Variants in ATP6V0E1 observed in about 807,000 individuals in gnomAD.
The protein encoded by ATP6V0E1 is V-type proton ATPase subunit e 1.
ATP6V0E1 carries 4 observed loss-of-function variants against 11.6 expected under a neutral mutation model. The observed-to-expected ratio is 0.35, with a 90% CI of 0.17 to 0.79. The LOEUF (loss-of-function observed/expected upper bound fraction) is 0.79, where lower values mean the gene tolerates loss of function less well. Ranked by LOEUF, ATP6V0E1 falls within the 30% of genes least tolerant of loss-of-function variation. The pLI is 0.54. For synonymous variants in ATP6V0E1, 36 were observed against 34.8 expected (o/e 1.04, Z -0.13); for missense variants, 105 against 100.0 (o/e 1.05, Z -0.21).
At chr5:173,010,218 C>T (rs929210178) in intron 2 of ATP6V0E1, among the ~76,000 whole-genome samples, 4 of 151,906 alleles carry the variant, frequency 2.6e-5, no homozygotes, top group South Asian at 2.1e-4. Context: ...AGTGGGTGGT[C>T]GCGGGAGAGG....
intron 2 of ATP6V0E1, among the ~76,000 whole-genome samples, chr5:173,019,282 G>A (rs1294960709): frequency 1.3e-5 from 2 of 152,112 alleles, no homozygotes; most frequent in Non-Finnish European, 2.9e-5. Context: ...TCGGCTGGGC[G>A]AGGTGGCTCA....
intron 3 of ATP6V0E1, among the ~76,000 whole-genome samples, chr5:173,030,378 C>G (rs1351977297): frequency 6.6e-6 from 1 of 151,896 alleles, no homozygotes; most frequent in Non-Finnish European, 1.5e-5. Flanking sequence ...ACTTACTTTT[C>G]CCCGAACAGA....
intron 2 of ATP6V0E1, among the ~76,000 whole-genome samples, chr5:173,008,737 A>G (rs1199206623): frequency 6.7e-5 from 10 of 149,008 alleles, no homozygotes; most frequent in South Asian, 2.1e-4. Flanking sequence ...GTGAAACCCC[A>G]TCTCTACTAA....
chr5:172,987,736 CAGAG>C (rs1056967562), intron 1 of ATP6V0E1, among the ~76,000 whole-genome samples: 14 of 150,262 alleles, frequency 9.3e-5, no homozygotes, highest in African/African-American at 2.5e-4. Context: ...TTTTAAGAGT[CAGAG>C]AGTCTCACTG....
At position 172,994,840 on chromosome 5, in the gene ATP6V0E1, A is replaced by G. The variant is rs1387310449; in HGVS notation, c.152+18A>G. The G allele has an allele frequency of 3.2e-6, 5 of 1,584,748 alleles. No homozygotes were observed. The highest frequency in any genetic ancestry group is 1.1e-5 in the South Asian group (1 of 88,546). On this transcript the variant is annotated intron_variant, in intron 2 of 3. Transcript: ENST00000519374. ...TATCTCTTGTAAGTAATTTTTTCTT[A>G]AGTAATTATTCTTGGTATTTGTAGT...
chr5:173,004,334 T>C (rs1325239952), intron 2 of ATP6V0E1, among the ~76,000 whole-genome samples: 1 of 152,136 alleles, frequency 6.6e-6, no homozygotes, highest in East Asian at 1.9e-4. Flanking sequence ...GCAAAGATGT[T>C]ACTAACCCCA....
At chr5:173,016,687 G>A (rs1221023641) in intron 2 of ATP6V0E1, among the ~76,000 whole-genome samples, 1 of 152,178 alleles carries the variant, frequency 6.6e-6, no homozygotes, top group Non-Finnish European at 1.5e-5. Flanking sequence ...GATTGGGGAA[G>A]TCCTTGGTTA....
intron 3 of ATP6V0E1, among the ~76,000 whole-genome samples, chr5:173,029,835 T>TTGA (rs1756622696): frequency 6.6e-6 from 1 of 152,152 alleles, no homozygotes; most frequent in Non-Finnish European, 1.5e-5. Context: ...GCAGGTCATG[T>TTGA]CCAGCTCTGA....
chr5:173,011,010 A>G (rs745520309), intron 2 of ATP6V0E1, among the ~76,000 whole-genome samples: 10 of 152,124 alleles, frequency 6.6e-5, no homozygotes, highest in Non-Finnish European at 7.4e-5. Context: ...GCATATCTCT[A>G]CAAAAACATA....
intron 2 of ATP6V0E1, among the ~76,000 whole-genome samples, chr5:173,011,675 C>T (rs910941635): frequency 1.3e-5 from 2 of 152,174 alleles, no homozygotes; most frequent in African/African-American, 4.8e-5. Context: ...CTGCAGTTCT[C>T]TGAAGACATT....
At chr5:172,984,296 G>GAA in intron 1 of ATP6V0E1, among the ~76,000 whole-genome samples, 1 of 152,304 alleles carries the variant, frequency 6.6e-6, no homozygotes, top group East Asian at 1.9e-4. Context: ...GTCCCTAGTC[G>GAA]ACTGTCCCCC....
At chr5:173,013,643 C>G (rs1036854567) in intron 2 of ATP6V0E1, among the ~76,000 whole-genome samples, 1 of 149,690 alleles carries the variant, frequency 6.7e-6, no homozygotes, top group Non-Finnish European at 1.5e-5. Flanking sequence ...ACCCAACTGA[C>G]AGGGGACTAA....
chr5:173,034,406 G>A lies in ATP6V0E1; in HGVS notation c.*44G>A, dbSNP rs1222663498. On this transcript the variant is annotated 3_prime_UTR_variant, in exon 4 of 4. Coordinates refer to ENST00000519374, the MANE Select transcript of ATP6V0E1 (RefSeq NM_003945.4). ...AATGGTTTTGTTTTGCAGGTCACGAGAAGAGAATGCCTTCTAGATGCAAAA... is the reference window on the plus strand; with the variant it reads ...AATGGTTTTGTTTTGCAGGTCACGAAAAGAGAATGCCTTCTAGATGCAAAA... 5 of 702,894 alleles carry A rather than the reference G, an allele frequency of 7.1e-6. No homozygotes were observed. The highest frequency in any genetic ancestry group is 4.0e-5 in the Admixed American group (2 of 49,986). The allele number at this position is 702,894 out of a possible 1,614,324, so 43.5% of individuals were successfully genotyped here.
intron 2 of ATP6V0E1, among the ~76,000 whole-genome samples, chr5:172,998,000 C>T (rs766553600): frequency 1.8e-4 from 27 of 151,668 alleles, no homozygotes; most frequent in Admixed American, 5.9e-4. Flanking sequence ...TCCCAGCTAC[C>T]GGGAAGGTGG....
chr5:173,009,995 C>T lies in ATP6V0E1; in HGVS notation c.153-10243C>T, dbSNP rs564474711. Among the ~76,000 whole-genome samples, 45 of 152,198 alleles carry T rather than the reference C, an allele frequency of 3.0e-4. No homozygotes were observed. In the South Asian group the frequency reaches 8.5e-3, roughly 29 times the overall value. On this transcript the variant is annotated intron_variant, in intron 2 of 3. Transcript: ENST00000519374. ...GTCACGCTGGTCTCAAACTCCTGACCTCGTGATCTGCCTGCCTTGGCCTCC... is the reference window on the plus strand; with the variant it reads ...GTCACGCTGGTCTCAAACTCCTGACTTCGTGATCTGCCTGCCTTGGCCTCC...
chr5:173,024,250 A>G (rs984095135), intron 3 of ATP6V0E1, among the ~76,000 whole-genome samples: 1 of 151,848 alleles, frequency 6.6e-6, no homozygotes, highest in African/African-American at 2.4e-5. Context: ...AATACGGGAA[A>G]AGCAGAATAC....
At chr5:173,023,421 C>T (rs6881330) in intron 3 of ATP6V0E1, among the ~76,000 whole-genome samples, 16 of 152,222 alleles carry the variant, frequency 1.1e-4, no homozygotes, top group African/African-American at 3.6e-4. Flanking sequence ...GTCTCAAACT[C>T]CTGACCTCAG....
chr5:173,027,108 G>A (rs1004322682), intron 3 of ATP6V0E1, among the ~76,000 whole-genome samples: 3 of 150,542 alleles, frequency 2.0e-5, no homozygotes, highest in Non-Finnish European at 4.4e-5. Flanking sequence ...GAACCTGGGA[G>A]GCGGAGCTTG....
intron 3 of ATP6V0E1, among the ~76,000 whole-genome samples, chr5:173,023,110 G>A (rs944931439): frequency 6.6e-6 from 1 of 152,088 alleles, no homozygotes; most frequent in East Asian, 1.9e-4. Flanking sequence ...TCCCACTTTG[G>A]CCTTCCAGAG....
Sources: allele counts gnomAD v4.1 joint callset (sites outside exome capture counted in the v4.1 genomes callset), GRCh38; gene constraint gnomAD v4.1.1; transcripts MANE v1.5; gene names NCBI Gene and HGNC (gene_info 2026-07-23, HGNC 2026-07-21).